The following EPB41L1 variants were observed in gnomAD, a reference collection of about 807,000 sequenced individuals.
EPB41L1 encodes the protein band 4.1-like protein 1.
In EPB41L1, 29 loss-of-function variants were observed where a neutral mutation model predicts 97.8. The observed-to-expected ratio is 0.30, with a 90% confidence interval of 0.22 to 0.40. The LOEUF is 0.40. Ranked by LOEUF, EPB41L1 falls within the 10% of genes least tolerant of loss-of-function variation. EPB41L1 has a pLI of 1.00. For missense variants in EPB41L1, 812 were observed against 1,162.3 expected, an observed-to-expected ratio of 0.70 and a Z score of 4.38; for synonymous variants, 383 against 459.2, an observed-to-expected ratio of 0.83 and a Z score of 2.12.
chr20:36,158,022 A>C (rs1331825261), intron 1 of EPB41L1, among the ~76,000 whole-genome samples: 1 of 152,206 alleles, frequency 6.6e-6, no homozygotes, highest in Non-Finnish European at 1.5e-5. Flanking sequence ...TGTACAACTC[A>C]TACGTTCTTC....
rs1237293296 is a variant in EPB41L1 at position 36,108,018 on chromosome 20, CTG to C, written c.-64-4406_-64-4405del. 2.0e-5 allele frequency among the ~76,000 whole-genome samples: 3 copies of C among 151,932 alleles called. No individual in the cohort carries two copies. The East Asian group carries it at 5.9e-4, about 30-fold the overall frequency. ...TTTTTTTTAGAGGCAGGTTCTCACTCTGTTGCACAGGCTGGAGTGAGTGGCAT... is the reference window on the plus strand; with the variant it reads ...TTTTTTTTAGAGGCAGGTTCTCACTCTTGCACAGGCTGGAGTGAGTGGCAT... On this transcript the variant is annotated intron_variant, in intron 1 of 19. Transcript: ENST00000202028.
rs2062783750 is a variant in EPB41L1 at position 36,206,112 on chromosome 20, G to A, written c.1669-3376G>A. ...GTCCTGAAGACTTTGAGTCAGTGGG[G>A]GAGGAAGGCCCCTGGATCAGGGAAA... On this transcript the variant is annotated intron_variant, in intron 14 of 21. Coordinates refer to ENST00000338074, the MANE Select transcript of EPB41L1 (RefSeq NM_012156.2). This position sits in a 1 kb window ranked among gnomAD's most constrained non-coding sequence, Gnocchi z 5.5. The A allele has an allele frequency of 1.6e-6, 2 of 1,289,790 alleles. No individual in the cohort carries two copies. Among genetic ancestry groups the A allele is most frequent in the East Asian group, 5.5e-5 (1 of 18,032 alleles). The allele number at this position is 1,289,790 out of a possible 1,614,324, so 79.9% of individuals were successfully genotyped here.
intron 1 of EPB41L1, among the ~76,000 whole-genome samples, chr20:36,171,544 G>A (rs1477603736): frequency 1.3e-5 from 2 of 152,080 alleles, no homozygotes; most frequent in African/African-American, 4.8e-5. Flanking sequence ...TGTACTCCAA[G>A]CCTCCACGCA....
At chr20:36,095,509 G>A (rs545115431) in intron 1 of EPB41L1, among the ~76,000 whole-genome samples, 189 of 152,300 alleles carry the variant, frequency 1.2e-3, no homozygotes, top group African/African-American at 4.2e-3. Context: ...AACTCCCTAA[G>A]CCTTGGTTTA....
chr20:36,187,619 G>A (rs921840926), intron 7 of EPB41L1, 57 bp from the exon 8 acceptor site: 4 of 1,438,126 alleles, frequency 2.8e-6, no homozygotes, highest in Non-Finnish European at 3.9e-6. Flanking sequence ...CCTTTGGACA[G>A]CAGGACTAAA....
chr20:36,197,535 G>C, intron 13 of EPB41L1: 1 of 661,580 alleles, frequency 1.5e-6, no homozygotes, highest in Non-Finnish European at 1.9e-6. Context: ...AGCACCACAG[G>C]GAACTCACCC....
rs1294638342 is a variant in EPB41L1, at chr20:36,214,877, G to A, written c.2268+437G>A. Among the ~76,000 whole-genome samples the A allele has an allele frequency of 4.6e-5, 7 of 151,832 alleles. No individual in the cohort carries two copies. The East Asian group carries it at 1.2e-3, about 25-fold the overall frequency. ...TTCCTTGCCTTGGTCAGTAGATGGC[G>A]TGTGGTGACCCTAAGTTGGAACCAG... On this transcript the variant is annotated intron_variant, in intron 17 of 21. Coordinates refer to ENST00000338074, the MANE Select transcript of EPB41L1 (RefSeq NM_012156.2).
At chr20:36,129,889 A>G (rs1188114549) in intron 2 of EPB41L1, among the ~76,000 whole-genome samples, 7 of 151,334 alleles carry the variant, frequency 4.6e-5, no homozygotes, top group African/African-American at 1.7e-4. Context: ...TTCAGCCTCC[A>G]GAGTAGCCGG....
chr20:36,173,978 T>TA, intron 2 of EPB41L1, 24 bp downstream of exon 2: 1 of 1,601,096 alleles, frequency 6.2e-7, no homozygotes, highest in South Asian at 1.1e-5. Context: ...AGCATGGGCG[T>TA]ACCTTTCCTG....
At chr20:36,103,025 G>A (rs2058067068) in intron 1 of EPB41L1, among the ~76,000 whole-genome samples, 1 of 152,136 alleles carries the variant, frequency 6.6e-6, no homozygotes, top group Non-Finnish European at 1.5e-5. Flanking sequence ...TTGAAATCCT[G>A]TCTGCCTTTT....
At chr20:36,188,247 C>T (rs561214909) in intron 8 of EPB41L1, 100 bp from the exon 9 acceptor site, 6 of 1,522,270 alleles carry the variant, frequency 3.9e-6, no homozygotes, top group Middle Eastern at 2.4e-4. Context: ...CCTGAGAGCT[C>T]GTTACAAGCA....
intron 1 of EPB41L1, among the ~76,000 whole-genome samples, chr20:36,106,237 G>C (rs888185651): frequency 6.6e-6 from 1 of 152,248 alleles, no homozygotes; most frequent in African/African-American, 2.4e-5. Flanking sequence ...ATGCCATGCC[G>C]TTCCGCTCTC....
At chr20:36,096,026 A>AG (rs998785191) in intron 1 of EPB41L1, among the ~76,000 whole-genome samples, 25 of 151,332 alleles carry the variant, frequency 1.7e-4, no homozygotes, top group Non-Finnish European at 3.0e-5. Flanking sequence ...ACTCCATCTC[A>AG]GGGAAAAAAA....
chr20:36,125,328 G>A (rs925774575), intron 2 of EPB41L1: 3 of 665,004 alleles, frequency 4.5e-6, no homozygotes, highest in Non-Finnish European at 8.2e-6. Flanking sequence ...AGAGTCAGAT[G>A]CTTGGATTTC....
intron 2 of EPB41L1, among the ~76,000 whole-genome samples, chr20:36,142,867 C>T (rs1225452934): frequency 6.6e-6 from 1 of 152,208 alleles, no homozygotes; most frequent in Non-Finnish European, 1.5e-5. Flanking sequence ...TGGGCTCAGC[C>T]TGGTGTGATC....
intron 2 of EPB41L1, among the ~76,000 whole-genome samples, chr20:36,135,449 C>A (rs903735139): frequency 6.6e-6 from 1 of 152,196 alleles, no homozygotes; most frequent in Admixed American, 6.5e-5. Context: ...TGGAATCCCC[C>A]CTCTGCTCAC....
intron 15 of EPB41L1, among the ~76,000 whole-genome samples, chr20:36,211,591 C>A (rs1200470185): frequency 6.6e-6 from 1 of 152,008 alleles, no homozygotes; most frequent in Non-Finnish European, 1.5e-5. Flanking sequence ...CGGTGGCCCA[C>A]ACCTGTAATC....
Position 36,229,604 on chromosome 20 carries a change from C to T in EPB41L1, c.*264C>T, listed in dbSNP as rs1271272650. 4 of 354,576 alleles carry T rather than the reference C, an allele frequency of 1.1e-5. No homozygotes were observed. The highest frequency in any genetic ancestry group is 6.3e-5 in the African/African-American group (3 of 47,556). The allele number at this position is 354,576 out of a possible 1,614,324, so 22.0% of individuals were successfully genotyped here. ...GCAACAACCGACATCTGAACACCTA[C>T]ATTTCCTTTGCAGACAAATTGAAGA... On this transcript the variant is annotated 3_prime_UTR_variant, in exon 22 of 22. Coordinates refer to ENST00000338074, the MANE Select transcript of EPB41L1 (RefSeq NM_012156.2).
Position 36,197,961 on chromosome 20 carries a change from C to T in EPB41L1, c.1588C>T (p.Arg530Ter). 1 of 1,614,162 alleles carries T rather than the reference C, an allele frequency of 6.2e-7. No individual in the cohort carries two copies. ...CAACAGCAAACTCATCCACCGGGAT[C>T]GAGACTGGGAACGGGAGCGCAGGCT... ...EPNSKLIHRDRDWERERRLPS... is the reference protein window; with the variant it reads ...EPNSKLIHRD The change falls in exon 14 of 22, where the codon CGA becomes TGA. Residue 530 changes from arginine (R) to a stop codon, truncating the protein, a stop_gained. Coordinates refer to ENST00000338074, the MANE Select transcript of EPB41L1 (RefSeq NM_012156.2). LOFTEE classifies it high-confidence loss of function.
Sources: allele counts gnomAD v4.1 joint callset (sites outside exome capture counted in the v4.1 genomes callset), GRCh38; gene constraint gnomAD v4.1.1; non-coding constraint Gnocchi (gnomAD v3.1); transcripts MANE v1.5; gene names NCBI Gene and HGNC (gene_info 2026-07-23, HGNC 2026-07-21).